The following TAF1 variants were observed in gnomAD, a reference collection of about 807,000 sequenced individuals.
TAF1 encodes transcription initiation factor TFIID subunit 1.
TAF1 carries 2 observed loss-of-function variants against 138.5 expected under a neutral mutation model. The observed-to-expected ratio is 0.01, with a 90% CI of 0.01 to 0.05. TAF1 has a LOEUF of 0.05. Ranked by LOEUF, TAF1 falls within the 10% of genes least tolerant of loss-of-function variation. The pLI is 1.00. For missense variants in TAF1, 709 were observed against 1,478.0 expected (o/e 0.48, Z 8.53); for synonymous variants, 437 against 503.2 (o/e 0.87, Z 1.76).
chrX:71,463,895 A>G lies in TAF1; in HGVS notation c.5471A>G (p.Tyr1824Cys), dbSNP rs926447817. 3 of 1,210,501 alleles carry G rather than the reference A, an allele frequency of 2.5e-6. No individual in the cohort carries two copies. Among genetic ancestry groups the G allele is most frequent in the Admixed American group, 4.4e-5 (2 of 45,924 alleles). ...QDTSFSSIGG[Y>C]EVSEEEEDEE... ...ACAAGCTTCAGCAGCATCGGTGGGT[A>G]TGAGGTATCAGAGGAGGAAGAAGAT... Residue 1824 changes from tyrosine to cysteine, a missense_variant, in exon 38 of 38, where the codon TAT becomes TGT. Transcript: ENST00000423759.
chrX:71,508,975 T>A (rs1021492254), intron 13 of TAF1, among the ~76,000 whole-genome samples: 2 of 99,727 alleles, frequency 2.0e-5, no homozygotes, highest in South Asian at 4.2e-4. Flanking sequence ...GCCAATTAAA[T>A]TTTTTTTTTT....
At chrX:71,508,086 C>CTCTCTCTCTCTATATATATA (rs4040068) in intron 13 of TAF1, among the ~76,000 whole-genome samples, 61 of 92,169 alleles carry the variant, frequency 6.6e-4, no homozygotes, top group African/African-American at 1.4e-3. Flanking sequence ...CTCTCTCTCT[C>CTCTCTCTCTCTATATATATA]TATATATATA....
intron 32 of TAF1, among the ~76,000 whole-genome samples, chrX:71,438,773 G>T (rs2037271056): frequency 9.0e-6 from 1 of 111,668 alleles, no homozygotes; most frequent in East Asian, 2.8e-4. Context: ...GAGCAGCCTG[G>T]CCAACATGGT....
chrX:71,484,084 A>G, intron 13 of TAF1, among the ~76,000 whole-genome samples: 1 of 110,417 alleles, frequency 9.1e-6, no homozygotes, highest in African/African-American at 3.3e-5. Context: ...TGCTGAGGCC[A>G]GTCTCAATCT....
At chrX:71,429,156 TC>T (rs1348862635) in intron 32 of TAF1, among the ~76,000 whole-genome samples, 1 of 110,201 alleles carries the variant, frequency 9.1e-6, no homozygotes, top group African/African-American at 3.3e-5. Flanking sequence ...GCGCCTGTAG[TC>T]CCAGCTACTC....
At chrX:71,411,254 G>A (rs1439126768) in intron 28 of TAF1, among the ~76,000 whole-genome samples, 4 of 109,223 alleles carry the variant, frequency 3.7e-5, no homozygotes, top group Non-Finnish European at 7.6e-5. Context: ...GCTAATTTTT[G>A]TATTTTTAGT....
At chrX:71,515,064 T>C (rs1490086878) in intron 13 of TAF1, among the ~76,000 whole-genome samples, 2 of 111,424 alleles carry the variant, frequency 1.8e-5, no homozygotes, top group Non-Finnish European at 3.8e-5. Context: ...TTGACTTAAT[T>C]CTGGTTTGTA....
intron 3 of TAF1, among the ~76,000 whole-genome samples, chrX:71,372,228 T>A (rs768254825): frequency 3.6e-5 from 4 of 109,813 alleles, no homozygotes; most frequent in Non-Finnish European, 5.7e-5. Context: ...GGTCAGGAGT[T>A]CGAGTCCAGC....
chrX:71,510,418 C>T (rs571595128), intron 13 of TAF1, among the ~76,000 whole-genome samples: 2 of 111,730 alleles, frequency 1.8e-5, no homozygotes, highest in African/African-American at 6.5e-5. Context: ...ACAAGGGAGA[C>T]TGGCAAATAT....
chrX:71,434,002 A>G (rs2037017016), intron 32 of TAF1, among the ~76,000 whole-genome samples: 1 of 112,335 alleles, frequency 8.9e-6, no homozygotes, highest in African/African-American at 3.2e-5. Flanking sequence ...GATATACACG[A>G]AATAATATTT....
intron 32 of TAF1, among the ~76,000 whole-genome samples, chrX:71,428,786 A>G (rs920124179): frequency 1.3e-4 from 15 of 111,887 alleles, no homozygotes; most frequent in Non-Finnish European, 1.9e-4. Context: ...AAATGCTCAC[A>G]ATGTTAAGTG....
At position 71,382,564 on chromosome X, in the gene TAF1, C is replaced by G. The variant is rs773470644; in HGVS notation, c.1566C>G (p.Thr522=). The change falls in exon 10 of 38, where the codon ACC becomes ACG. Residue 522 remains threonine (T), a synonymous_variant. Transcript: ENST00000423759. ...TTCCTGATGAGAAGGAAGAGGCCAC[C>G]TCTAACTCCCCCTCCAAGGAGAGTA... ...LEIPDEKEEA[T]SNSPSKESKK... 4.1e-6 allele frequency: 5 copies of G among 1,207,739 alleles called. No individual in the cohort carries two copies. Among genetic ancestry groups the G allele is most frequent in the East Asian group, 3.0e-5 (1 of 33,733 alleles).
Position 71,498,631 on chromosome X carries a change from C to T in TAF1, c.1367-29911C>T, listed in dbSNP as rs145416323. On this transcript the variant is annotated intron_variant and NMD_transcript_variant, in intron 13 of 14. Transcript: ENST00000373775. ...ACTGGGTGGGCATTTTTTGCCCTTC[C>T]GAATTGTCCTTCCGATGCCCAGACT... Among the ~76,000 whole-genome samples the T allele has an allele frequency of 3.5e-3, 389 of 110,950 alleles. 1 individual carries two copies. Among genetic ancestry groups the T allele is most frequent in the African/African-American group, 0.011 (348 of 30,523 alleles).
chrX:71,396,645 C>T (rs1298165929), intron 22 of TAF1, among the ~76,000 whole-genome samples: 2 of 111,987 alleles, frequency 1.8e-5, no homozygotes, highest in Non-Finnish European at 3.8e-5. Context: ...ATGGTCTTTT[C>T]TCTTGCACTG....
At chrX:71,471,443 T>G (rs1416204680) in intron 13 of TAF1, among the ~76,000 whole-genome samples, 1 of 106,493 alleles carries the variant, frequency 9.4e-6, no homozygotes, top group African/African-American at 3.4e-5. Flanking sequence ...TGTTTCTACA[T>G]AGTTTATGAA....
chrX:71,380,083 A>G (rs1032914447), intron 8 of TAF1, among the ~76,000 whole-genome samples: 5 of 111,035 alleles, frequency 4.5e-5, no homozygotes, highest in Admixed American at 1.9e-4. Flanking sequence ...GTCACTGGTA[A>G]TCTATCTGGA....
intron 28 of TAF1, among the ~76,000 whole-genome samples, chrX:71,411,284 G>T (rs1486541890): frequency 1.8e-5 from 2 of 111,448 alleles, no homozygotes; most frequent in Non-Finnish European, 3.8e-5. Flanking sequence ...GTTTCACCAT[G>T]TTGGCCAGGC....
intron 29 of TAF1, among the ~76,000 whole-genome samples, 155 bp downstream of exon 29, chrX:71,421,531 A>T (rs1443952514): frequency 8.9e-6 from 1 of 112,022 alleles, no homozygotes; most frequent in South Asian, 3.7e-4. Flanking sequence ...TATAGAACTC[A>T]TAGGCCAGTC....
At chrX:71,402,297 G>T (rs1025041589) in intron 25 of TAF1, among the ~76,000 whole-genome samples, 1 of 111,680 alleles carries the variant, frequency 9.0e-6, no homozygotes, top group Non-Finnish European at 1.9e-5. Flanking sequence ...TGTAGAGATG[G>T]GGTTTCGTTA....
Sources: gnomAD v4.1 joint callset for allele counts (sites outside exome capture counted in the v4.1 genomes callset) on GRCh38, gnomAD v4.1.1 for gene constraint, MANE v1.5 for transcripts, NCBI Gene and HGNC (gene_info 2026-07-23, HGNC 2026-07-21) for gene names.